The following CYB5A variants were observed in gnomAD, a reference collection of about 807,000 sequenced individuals.
CYB5A encodes the protein cytochrome b5.
Under a neutral mutation model 16.2 loss-of-function variants are expected in CYB5A, and 10 were observed. That is an observed-to-expected ratio of 0.62 (90% CI 0.38 to 1.04). The LOEUF is 1.04. CYB5A is among the 50% of genes least tolerant of loss of function. CYB5A has a pLI of 0.01. For missense variants in CYB5A, 161 were observed against 165.9 expected, an observed-to-expected ratio of 0.97 and a Z score of 0.16; for synonymous variants, 62 against 57.0, an observed-to-expected ratio of 1.09 and a Z score of -0.40.
chr18:74,277,208 A>G (rs556974419), intron 1 of CYB5A, among the ~76,000 whole-genome samples: 9 of 152,334 alleles, frequency 5.9e-5, no homozygotes, highest in East Asian at 3.9e-4. Context: ...AACATTTCCT[A>G]TCATTTCTGG....
intron 1 of CYB5A, among the ~76,000 whole-genome samples, chr18:74,272,411 T>C (rs74550195): frequency 0.086 from 13,109 of 152,244 alleles, 705 homozygotes; most frequent in South Asian, 0.16. Context: ...CCATCTGCCA[T>C]TGAGCACCCT....
intron 1 of CYB5A, among the ~76,000 whole-genome samples, chr18:74,276,528 G>GCACA (rs57747358): frequency 0.47 from 67,662 of 144,722 alleles, 16,325 homozygotes; most frequent in Non-Finnish European, 0.54. Context: ...AAAAGATTCA[G>GCACA]CACACACACA....
chr18:74,262,888 G>A (rs749887242), intron 2 of CYB5A, among the ~76,000 whole-genome samples: 5 of 152,124 alleles, frequency 3.3e-5, no homozygotes, highest in African/African-American at 4.8e-5. Context: ...GGGGGCTCAC[G>A]CCTGTAATCC....
Position 74,251,600 on chromosome 18 carries a change from T to C in CYB5A, c.*1984A>G, listed in dbSNP as rs1452915590. The C allele has an allele frequency of 6.6e-6, 1 of 152,138 alleles. No individual in the cohort carries two copies. The highest frequency in any genetic ancestry group is 1.9e-4 in the East Asian group (1 of 5,194). 9.4% of individuals were successfully genotyped at this position (152,138 alleles called of 1,614,324 possible). A position where few individuals can be genotyped will look rare whatever the true frequency, so the allele number is the denominator to read the frequency against. On this transcript the variant is annotated 3_prime_UTR_variant, in exon 5 of 5. Coordinates refer to ENST00000340533, the MANE Select transcript of CYB5A (RefSeq NM_148923.4). Reference sequence around the variant, plus strand: ...GTGATTCTGGGGGCCCAAGATGTTTTCCTTTCACAAGCAGCAGATGAAAAG... The same window carrying C: ...GTGATTCTGGGGGCCCAAGATGTTTCCCTTTCACAAGCAGCAGATGAAAAG...
At chr18:74,283,355 C>T (rs764418914) in intron 1 of CYB5A, among the ~76,000 whole-genome samples, 7 of 152,106 alleles carry the variant, frequency 4.6e-5, no homozygotes, top group African/African-American at 7.2e-5. Flanking sequence ...AATCTCTTTC[C>T]GAACCAAAAC....
At chr18:74,262,712 G>C (rs1982258539) in intron 2 of CYB5A, among the ~76,000 whole-genome samples, 2 of 152,046 alleles carry the variant, frequency 1.3e-5, no homozygotes, top group Non-Finnish European at 2.9e-5. Context: ...AAAATATTTT[G>C]GTCAGAAAAG....
chr18:74,274,152 G>C lies in CYB5A; in HGVS notation c.130-10675C>G, dbSNP rs145773204. Among the ~76,000 whole-genome samples, 1,320 of 152,320 alleles carry C rather than the reference G, an allele frequency of 8.7e-3. 10 individuals carry two copies. The highest frequency in any genetic ancestry group is 0.013 in the Non-Finnish European group (889 of 68,024). ...AAATAGCAGAAGGTGATTTATAATAGCACAATAGTGCGAATATGTCACAGT... is the reference window on the plus strand; with the variant it reads ...AAATAGCAGAAGGTGATTTATAATACCACAATAGTGCGAATATGTCACAGT... On this transcript the variant is annotated intron_variant, in intron 1 of 4. Transcript: ENST00000340533.
intron 1 of CYB5A, among the ~76,000 whole-genome samples, chr18:74,264,700 A>C (rs1362510146): frequency 4.6e-5 from 7 of 152,144 alleles, no homozygotes; most frequent in Admixed American, 4.6e-4. Flanking sequence ...TCAACTCCAC[A>C]CTGGGGAGAG....
chr18:74,291,715 C>T, intron 1 of CYB5A, 32 bp downstream of exon 1: 2 of 1,613,438 alleles, frequency 1.2e-6, no homozygotes, highest in Non-Finnish European at 1.7e-6. Flanking sequence ...GCCCACGCTC[C>T]CTGCGCCCCA....
At chr18:74,262,069 C>T (rs1982224680) in intron 2 of CYB5A, among the ~76,000 whole-genome samples, 1 of 152,180 alleles carries the variant, frequency 6.6e-6, no homozygotes, top group Admixed American at 6.5e-5. Flanking sequence ...TTCCTGATAA[C>T]TTAGGTTGAC....
rs1019070050 is a variant in CYB5A at position 74,263,427 on chromosome 18, A to G, written c.180T>C (p.Thr60=). 3.1e-6 allele frequency: 5 copies of G among 1,614,160 alleles called. No individual in the cohort carries two copies. The highest frequency in any genetic ancestry group is 4.2e-6 in the Non-Finnish European group (5 of 1,180,002). ...AGTGCCCGACATCCTCAAAGTTCTCAGTAGCGTCACCTCCAGCTTGTTCCC... is the reference window on the plus strand; with the variant it reads ...AGTGCCCGACATCCTCAAAGTTCTCGGTAGCGTCACCTCCAGCTTGTTCCC... ...VLREQAGGDA[T]ENFEDVGHST... is the part of the protein sequence containing the mutation. The change falls in exon 2 of 5, where the codon ACT becomes ACC. Residue 60 remains threonine, a synonymous_variant. Coordinates refer to ENST00000340533, the MANE Select transcript of CYB5A (RefSeq NM_148923.4).
At chr18:74,281,178 G>C (rs1211631489) in intron 1 of CYB5A, among the ~76,000 whole-genome samples, 1 of 152,188 alleles carries the variant, frequency 6.6e-6, no homozygotes, top group Non-Finnish European at 1.5e-5. Context: ...GGCCTGAGCA[G>C]CTGGGAGAAT....
chr18:74,255,554 A>G (rs1788616), intron 4 of CYB5A, among the ~76,000 whole-genome samples, 187 bp downstream of exon 4: 30,394 of 152,060 alleles, frequency 0.2, 3,284 homozygotes, highest in East Asian at 0.28. Flanking sequence ...GGCTGTGGAC[A>G]GTGTTCACAG....
chr18:74,259,993 G>T (rs1297517442), intron 3 of CYB5A: 4 of 152,092 alleles, frequency 2.6e-5, no homozygotes, highest in African/African-American at 9.7e-5. Context: ...GACTTTTATT[G>T]TACTATCAGG....
rs568342627 is a variant in CYB5A at position 74,271,769 on chromosome 18, T to G, written c.130-8292A>C. ...CTGTAGTTACCTTGTGTGCAAACTATCTCCAGAACAAGAGTTTGCCACAAA... is the reference window on the plus strand; with the variant it reads ...CTGTAGTTACCTTGTGTGCAAACTAGCTCCAGAACAAGAGTTTGCCACAAA... On this transcript the variant is annotated intron_variant, in intron 1 of 4. Coordinates refer to ENST00000340533, the MANE Select transcript of CYB5A (RefSeq NM_148923.4). Among the ~76,000 whole-genome samples the G allele has an allele frequency of 2.6e-5, 4 of 152,268 alleles. No homozygotes were observed. The East Asian group carries it at 5.8e-4, about 22-fold the overall frequency.
At chr18:74,274,313 A>G (rs1256553775) in intron 1 of CYB5A, among the ~76,000 whole-genome samples, 2 of 152,238 alleles carry the variant, frequency 1.3e-5, no homozygotes, top group Non-Finnish European at 2.9e-5. Flanking sequence ...GAAATGCTAA[A>G]TAAATGTATT....
In CYB5A at chr18:74,288,615, A is replaced by G. The variant is rs145749201; in HGVS notation, c.129+3132T>C. ...CATTTCTGTTTTAAAAGTACGTTTC[A>G]GACAAACAGACTAGCCTCATAACAA... On this transcript the variant is annotated intron_variant, in intron 1 of 4. Coordinates refer to ENST00000340533, the MANE Select transcript of CYB5A (RefSeq NM_148923.4). Among the ~76,000 whole-genome samples, 10 of 152,348 alleles carry G rather than the reference A, an allele frequency of 6.6e-5. No homozygotes were observed. In the East Asian group the frequency reaches 1.9e-3, roughly 29 times the overall value.
intron 1 of CYB5A, chr18:74,290,872 A>G (rs532077247): frequency 2.0e-5 from 3 of 151,696 alleles, no homozygotes; most frequent in South Asian, 2.1e-4. Flanking sequence ...AAGTTAACCA[A>G]CGTTTCCTAT....
chr18:74,281,959 G>A (rs183407724), intron 1 of CYB5A, among the ~76,000 whole-genome samples: 241 of 152,254 alleles, frequency 1.6e-3, no homozygotes, highest in African/African-American at 5.5e-3. Context: ...ATGTCTGTGA[G>A]TGGGAAGGGG....
Sources: allele counts gnomAD v4.1 joint callset (sites outside exome capture counted in the v4.1 genomes callset), GRCh38; gene constraint gnomAD v4.1.1; transcripts MANE v1.5; gene names NCBI Gene and HGNC (gene_info 2026-07-23, HGNC 2026-07-21).